Variants in GUCD1 observed in about 807,000 individuals in gnomAD.
GUCD1 encodes protein GUCD1.
A neutral mutation model predicts 28.3 loss-of-function variants in GUCD1; 17 were observed. The ratio of observed to expected loss-of-function variants is 0.60; its 90% CI spans 0.41 to 0.90. GUCD1 has a LOEUF of 0.90. Ranked by LOEUF, GUCD1 falls within the 40% of genes least tolerant of loss-of-function variation. GUCD1 has a pLI of 0.00. For synonymous variants in GUCD1, 129 were observed against 123.3 expected (o/e 1.05, Z -0.30); for missense variants, 279 against 305.5 (o/e 0.91, Z 0.65).
In GUCD1 at chr22:24,542,195, A is replaced by G. The variant is rs1362584698; in HGVS notation, c.*811T>C. 2.0e-5 allele frequency: 3 copies of G among 152,298 alleles called. No homozygotes were observed. Among genetic ancestry groups the G allele is most frequent in the Non-Finnish European group, 4.4e-5 (3 of 68,086 alleles). 9.4% of individuals were successfully genotyped at this position (152,298 alleles called of 1,614,324 possible). Reference sequence around the variant, plus strand: ...ACTCAAGAGGGCAGACCCTGCTGTCAGGATTTTGGCTGGTGTCAGGAGGCC... The same window carrying G: ...ACTCAAGAGGGCAGACCCTGCTGTCGGGATTTTGGCTGGTGTCAGGAGGCC... On this transcript the variant is annotated 3_prime_UTR_variant, in exon 6 of 6. Coordinates refer to ENST00000435822, the MANE Select transcript of GUCD1 (RefSeq NM_001284254.2).
intron 4 of GUCD1, among the ~76,000 whole-genome samples, chr22:24,544,361 A>T (rs2044673881): frequency 6.6e-6 from 1 of 152,068 alleles, no homozygotes; most frequent in African/African-American, 2.4e-5. Context: ...AGGTGGGTCC[A>T]GTCAAGGGCC....
upstream of GUCD1, chr22:24,555,447 C>G: frequency 8.7e-7 from 1 of 1,148,238 alleles, no homozygotes; most frequent in Non-Finnish European, 1.2e-6. Flanking sequence ...GGGTCCCGCT[C>G]TTTTGCCAGT....
intron 5 of GUCD1, among the ~76,000 whole-genome samples, chr22:24,543,589 C>T (rs1601533372): frequency 6.6e-6 from 1 of 151,816 alleles, no homozygotes; most frequent in Non-Finnish European, 1.5e-5. Flanking sequence ...TGGGCAGTGG[C>T]GTGGGGCCTG....
At chr22:24,550,312 C>T (rs899637973) in intron 1 of GUCD1, among the ~76,000 whole-genome samples, 4 of 152,068 alleles carry the variant, frequency 2.6e-5, no homozygotes, top group African/African-American at 9.7e-5. Context: ...TGGTGGATAG[C>T]AAAAATAAGC....
At chr22:24,553,940 G>A (rs2044953756) in intron 1 of GUCD1, among the ~76,000 whole-genome samples, 1 of 152,258 alleles carries the variant, frequency 6.6e-6, no homozygotes, top group Non-Finnish European at 1.5e-5. Context: ...ACAGCCAGAC[G>A]TTGCTGCCTG....
chr22:24,554,737 G>T (rs1352228415), intron 1 of GUCD1, among the ~76,000 whole-genome samples: 1 of 152,236 alleles, frequency 6.6e-6, no homozygotes, highest in Non-Finnish European at 1.5e-5. Flanking sequence ...CGCTTCTGGG[G>T]AAGGTGGTGC....
chr22:24,542,793 C>T lies in GUCD1; in HGVS notation c.*213G>A. On this transcript the variant is annotated 3_prime_UTR_variant, in exon 6 of 6. Transcript: ENST00000435822. The stretch of plus-strand genomic sequence containing the variant: ...CTTGGGGTATGCTTCCAGCAGCCAG[C>T]AGGTGCTTGGGGTGAGTGACATGAC... The T allele has an allele frequency of 9.6e-6, 5 of 519,252 alleles. No individual in the cohort carries two copies. The highest frequency in any genetic ancestry group is 5.5e-4 in the Middle Eastern group (1 of 1,818). 32.2% of individuals were successfully genotyped at this position (519,252 alleles called of 1,614,324 possible).
chr22:24,551,896 A>T lies in GUCD1; in HGVS notation c.44-2895T>A, dbSNP rs554292597. Among the ~76,000 whole-genome samples, 9 of 152,370 alleles carry T rather than the reference A, an allele frequency of 5.9e-5. No individual in the cohort carries two copies. In the East Asian group the frequency reaches 1.7e-3, roughly 29 times the overall value. ...GTGCAGAAGATATCCACAACCAAAAATATAAATAAATAAGAAGTGTGGCCT... is the reference window on the plus strand; with the variant it reads ...GTGCAGAAGATATCCACAACCAAAATTATAAATAAATAAGAAGTGTGGCCT... On this transcript the variant is annotated intron_variant, in intron 1 of 5. Transcript: ENST00000435822.
At position 24,541,174 on chromosome 22, in the gene GUCD1, C is replaced by T. The variant is rs919551339; in HGVS notation, c.*1832G>A. ...ACAGCACCTCCCTCTTGGCCAAAGG[C>T]TTTGTCTAGGGTTGAGAAGCAATTT... is the stretch of plus-strand genomic sequence containing the variant. On this transcript the variant is annotated 3_prime_UTR_variant, in exon 6 of 6. Coordinates refer to ENST00000435822, the MANE Select transcript of GUCD1 (RefSeq NM_001284254.2). 3.6e-5 allele frequency: 6 copies of T among 167,812 alleles called. No individual in the cohort carries two copies. The highest frequency in any genetic ancestry group is 1.4e-4 in the African/African-American group (6 of 41,538). 10.4% of individuals were successfully genotyped at this position (167,812 alleles called of 1,614,324 possible).
intron 3 of GUCD1, chr22:24,547,501 T>C (rs898046361): frequency 3.9e-5 from 8 of 204,022 alleles, no homozygotes; most frequent in African/African-American, 1.8e-4. Context: ...ACCAATTATA[T>C]AGCTTAAAAG....
intron 4 of GUCD1, 97 bp from the exon 5 acceptor site, chr22:24,544,180 T>C: frequency 1.3e-6 from 2 of 1,510,028 alleles, no homozygotes; most frequent in South Asian, 1.3e-5. Context: ...TTACAAAGCT[T>C]GGGGATCGGC....
At position 24,555,027 on chromosome 22, in the gene GUCD1, C is replaced by T; in HGVS notation, c.-36G>A. ...GCGCGGGGCGCCCATGGCCCCGGCC[C>T]AGAGCGGGCTACAGCTTCCGCTTCG... On this transcript the variant is annotated 5_prime_UTR_variant, in exon 1 of 6. Coordinates refer to ENST00000435822, the MANE Select transcript of GUCD1 (RefSeq NM_001284254.2). The T allele has an allele frequency of 1.4e-6, 2 of 1,454,326 alleles. No homozygotes were observed. Among genetic ancestry groups the T allele is most frequent in the Non-Finnish European group, 1.8e-6 (2 of 1,106,496 alleles). The allele number at this position is 1,454,326 out of a possible 1,614,324, so 90.1% of individuals were successfully genotyped here.
intron 2 of GUCD1, 81 bp downstream of exon 2, chr22:24,548,836 G>C: frequency 4.7e-6 from 5 of 1,060,098 alleles, no homozygotes; most frequent in Non-Finnish European, 7.0e-6. Flanking sequence ...ATGGACCATG[G>C]ATCCCACCCA....
Position 24,547,924 on chromosome 22 carries a change from T to C in GUCD1, c.278A>G (p.Lys93Arg). Residue 93 changes from lysine to arginine, a missense_variant, in exon 3 of 6, where the codon AAG (lysine) becomes AGG (arginine). Lys to Arg is a conservative substitution (Grantham distance 26). Coordinates refer to ENST00000435822, the MANE Select transcript of GUCD1 (RefSeq NM_001284254.2). ...RFCTQTLGVDKGYKNQSFYRK... is the reference protein window; with the variant it reads ...RFCTQTLGVDRGYKNQSFYRK... ...GTCGCTCACCTGGTTCTTGTAGCCC[T>C]TGTCGACACCCAGGGTCTGGGTACA... is the stretch of plus-strand genomic sequence containing the variant. 1 of 1,614,158 alleles carries C rather than the reference T, an allele frequency of 6.2e-7. No individual in the cohort carries two copies. Among genetic ancestry groups the C allele is most frequent in the Non-Finnish European group, 8.5e-7 (1 of 1,180,010 alleles).
chr22:24,550,009 T>C (rs928632382), intron 1 of GUCD1, among the ~76,000 whole-genome samples: 1 of 152,180 alleles, frequency 6.6e-6, no homozygotes, highest in Non-Finnish European at 1.5e-5. Context: ...TATGTAATAT[T>C]CTTGTGAGCT....
intron 4 of GUCD1, among the ~76,000 whole-genome samples, chr22:24,545,874 AGCCACCGT>A (rs1451178197): frequency 6.6e-6 from 1 of 151,714 alleles, no homozygotes; most frequent in Admixed American, 6.6e-5. Flanking sequence ...TACAAGCGTG[AGCCACCGT>A]GCCCGGCCTG....
intron 2 of GUCD1, among the ~76,000 whole-genome samples, 199 bp downstream of exon 2, chr22:24,548,717 CT>C (rs1287922129): frequency 5.3e-5 from 8 of 152,358 alleles, no homozygotes; most frequent in African/African-American, 1.4e-4. Flanking sequence ...CCAGACATTA[CT>C]ATCATGGAGA....
chr22:24,548,185 C>T, intron 2 of GUCD1, 112 bp from the exon 3 acceptor site: 1 of 862,630 alleles, frequency 1.2e-6, no homozygotes, highest in East Asian at 2.6e-5. Context: ...CCCCAGAAGT[C>T]TCCCTCCTTC....
chr22:24,549,142 C>T (rs2057623426), intron 1 of GUCD1, 141 bp from the exon 2 acceptor site: 1 of 610,736 alleles, frequency 1.6e-6, no homozygotes, highest in Non-Finnish European at 3.0e-6. Flanking sequence ...CAGGAATCCC[C>T]TCAAATCCAG....
Sources: gnomAD v4.1 joint callset for allele counts (sites outside exome capture counted in the v4.1 genomes callset) on GRCh38, gnomAD v4.1.1 for gene constraint, MANE v1.5 for transcripts, NCBI Gene and HGNC (gene_info 2026-07-23, HGNC 2026-07-21) for gene names.